Variants in PRKN observed in about 807,000 individuals in gnomAD.
The protein encoded by PRKN is parkin RBR E3 ubiquitin protein ligase, also known as E3 ubiquitin-protein ligase parkin.
In PRKN, 56 loss-of-function variants were observed where a neutral mutation model predicts 59.5. That is an observed-to-expected ratio of 0.94 (90% CI 0.76 to 1.18). The LOEUF is 1.18. Ranked by LOEUF, PRKN falls within the 50% of genes most tolerant of loss-of-function variation. The pLI is 0.00. For missense variants in PRKN, 657 were observed against 596.4 expected (o/e 1.10, Z -1.06); for synonymous variants, 250 against 222.1 (o/e 1.13, Z -1.12).
chr6:162,475,391 T>C (rs1255694776), intron 1 of PRKN, among the ~76,000 whole-genome samples: 1 of 152,016 alleles, frequency 6.6e-6, no homozygotes, highest in Non-Finnish European at 1.5e-5. Context: ...GTTCCAATCT[T>C]GGAAAGAACG....
chr6:161,510,055 A>G (rs1339215259), intron 9 of PRKN, among the ~76,000 whole-genome samples: 1 of 152,180 alleles, frequency 6.6e-6, no homozygotes, highest in Non-Finnish European at 1.5e-5. Flanking sequence ...CTAATCCTCT[A>G]CCGTCCTTAT....
chr6:162,278,692 C>T (rs546191988), intron 2 of PRKN, among the ~76,000 whole-genome samples: 5 of 152,230 alleles, frequency 3.3e-5, no homozygotes, highest in South Asian at 4.1e-4. Flanking sequence ...ATCATTGTAT[C>T]GATGTTAAAT....
At chr6:162,638,671 A>G (rs1207328556) in intron 1 of PRKN, among the ~76,000 whole-genome samples, 2 of 151,166 alleles carry the variant, frequency 1.3e-5, no homozygotes, top group Non-Finnish European at 2.9e-5. Flanking sequence ...CTGCGCCCCA[A>G]AACTCTCAGA....
At chr6:162,504,384 T>C (rs1445706437) in intron 1 of PRKN, among the ~76,000 whole-genome samples, 1 of 152,158 alleles carries the variant, frequency 6.6e-6, no homozygotes, top group African/African-American at 2.4e-5. Context: ...TAAGTGGCAA[T>C]GAAGCCCAGG....
intron 4 of PRKN, among the ~76,000 whole-genome samples, chr6:162,055,603 G>T (rs1433373883): frequency 6.6e-6 from 1 of 152,130 alleles, no homozygotes; most frequent in Non-Finnish European, 1.5e-5. Flanking sequence ...GGAGGAGGGA[G>T]GGTGGCATCA....
At chr6:161,636,989 A>G (rs981080838) in intron 7 of PRKN, among the ~76,000 whole-genome samples, 1 of 152,214 alleles carries the variant, frequency 6.6e-6, no homozygotes, top group Admixed American at 6.5e-5. Context: ...CCACGCCATC[A>G]CATAAAATGC....
At chr6:161,594,126 G>C (rs1781826882) in intron 7 of PRKN, among the ~76,000 whole-genome samples, 2 of 152,084 alleles carry the variant, frequency 1.3e-5, no homozygotes, top group African/African-American at 4.8e-5. Flanking sequence ...CCATTCTACT[G>C]CACTCCAGCC....
chr6:161,832,485 G>C (rs1196309982), intron 6 of PRKN, among the ~76,000 whole-genome samples: 1 of 152,028 alleles, frequency 6.6e-6, no homozygotes, highest in East Asian at 1.9e-4. Flanking sequence ...ATAGCTGGGT[G>C]TGGTGGCATG....
chr6:162,061,805 G>A (rs561227226), intron 4 of PRKN, among the ~76,000 whole-genome samples: 1 of 152,268 alleles, frequency 6.6e-6, no homozygotes, highest in East Asian at 1.9e-4. Flanking sequence ...TTATAAAAAA[G>A]GGAGAATAAT....
chr6:161,567,536 G>C (rs1404479228), intron 8 of PRKN, among the ~76,000 whole-genome samples: 1 of 152,048 alleles, frequency 6.6e-6, no homozygotes, highest in East Asian at 1.9e-4. Context: ...TCAGCTGAAA[G>C]AAAGAAGGAA....
intron 1 of PRKN, among the ~76,000 whole-genome samples, chr6:162,621,116 C>A (rs1431913055): frequency 8.2e-6 from 1 of 121,254 alleles, no homozygotes; most frequent in Non-Finnish European, 1.8e-5. Context: ...CAGCTTTGAT[C>A]CAGCCCGCTT....
intron 7 of PRKN, among the ~76,000 whole-genome samples, chr6:161,662,376 G>C (rs1345687465): frequency 6.6e-6 from 1 of 152,174 alleles, no homozygotes; most frequent in Admixed American, 6.5e-5. Context: ...GAACGGATGG[G>C]AGAATGGACT....
chr6:162,358,366 C>A (rs1273115965), intron 2 of PRKN, among the ~76,000 whole-genome samples: 1 of 152,162 alleles, frequency 6.6e-6, no homozygotes, highest in East Asian at 1.9e-4. Context: ...AATATTTCCA[C>A]AATCTAATTC....
At chr6:162,155,925 A>C (rs757005096) in intron 4 of PRKN, among the ~76,000 whole-genome samples, 2 of 152,198 alleles carry the variant, frequency 1.3e-5, no homozygotes, top group Non-Finnish European at 2.9e-5. Flanking sequence ...CAATGTCTAA[A>C]GAATGCAAAA....
At chr6:161,809,272 A>T (rs1791463936) in intron 6 of PRKN, among the ~76,000 whole-genome samples, 1 of 148,068 alleles carries the variant, frequency 6.8e-6, no homozygotes, top group Non-Finnish European at 1.5e-5. Context: ...GGGAAGGGGG[A>T]TGACTCAGAA....
In PRKN at chr6:161,385,355, TGG is replaced by T. The variant is rs1171189178; in HGVS notation, c.1167+1437_1167+1438del. Among the ~76,000 whole-genome samples the T allele has an allele frequency of 2.0e-5, 3 of 152,334 alleles. No homozygotes were observed. Among genetic ancestry groups the T allele is most frequent in the Admixed American group, 6.5e-5 (1 of 15,302 alleles). ...CAGTTCCCCCGATGCTGGACATCTA[TGG>T]TTTAGGTCATCTCTAACTTTCTTTT... On this transcript the variant is annotated intron_variant, in intron 10 of 11. Transcript: ENST00000366898. The surrounding 1 kb of genome is among the most constrained non-coding windows in gnomAD (Gnocchi z 4.9).
At chr6:161,834,349 C>A (rs991113031) in intron 6 of PRKN, among the ~76,000 whole-genome samples, 1 of 152,104 alleles carries the variant, frequency 6.6e-6, no homozygotes, top group Non-Finnish European at 1.5e-5. Context: ...CACTCTTAAA[C>A]GGGTCAGGCT....
chr6:162,677,120 G>GA (rs1321206070), intron 1 of PRKN, among the ~76,000 whole-genome samples: 9 of 145,488 alleles, frequency 6.2e-5, no homozygotes, highest in East Asian at 6.0e-4. Flanking sequence ...GGAAATGCTG[G>GA]AAAAAAAACA....
intron 4 of PRKN, among the ~76,000 whole-genome samples, chr6:162,157,375 G>A (rs989380645): frequency 4.0e-5 from 6 of 151,366 alleles, no homozygotes; most frequent in South Asian, 2.1e-4. Flanking sequence ...TACCCCCACC[G>A]AGAATGGCTC....
Sources: gnomAD v4.1 joint callset for allele counts (sites outside exome capture counted in the v4.1 genomes callset) on GRCh38, gnomAD v4.1.1 for gene constraint, Gnocchi (gnomAD v3.1) non-coding constraint, MANE v1.5 for transcripts, NCBI Gene and HGNC (gene_info 2026-07-23, HGNC 2026-07-21) for gene names.